KCNK2: variants seen among roughly 807,000 people sequenced by gnomAD.
The protein encoded by KCNK2 is potassium two pore domain channel subfamily K member 2.
KCNK2 carries 21 observed loss-of-function variants against 40.5 expected under a neutral mutation model. The ratio of observed to expected loss-of-function variants is 0.52; its 90% CI spans 0.37 to 0.75. KCNK2 has a LOEUF of 0.75. Among genes scored for constraint, KCNK2 ranks in the 30% least tolerant of loss-of-function variants. The pLI is 0.00. For missense variants in KCNK2, 399 were observed against 531.6 expected (o/e 0.75, Z 2.45); for synonymous variants, 191 against 202.2 (o/e 0.94, Z 0.47).
chr1:215,023,295 A>C (rs1237944734), intron 1 of KCNK2, among the ~76,000 whole-genome samples: 2 of 152,190 alleles, frequency 1.3e-5, no homozygotes, highest in African/African-American at 4.8e-5. Flanking sequence ...GGCTCAGGCC[A>C]GCCCTCTACT....
chr1:215,066,840 GA>G (rs1425647966), intron 1 of KCNK2, among the ~76,000 whole-genome samples: 7 of 152,080 alleles, frequency 4.6e-5, no homozygotes, highest in African/African-American at 7.2e-5. Context: ...GTATCATTCA[GA>G]AAAAGCTCTG....
At chr1:215,106,043 A>C (rs1344455973) in intron 2 of KCNK2, among the ~76,000 whole-genome samples, 2 of 152,080 alleles carry the variant, frequency 1.3e-5, no homozygotes, top group African/African-American at 4.8e-5. Flanking sequence ...TAGTGCTGTG[A>C]TGAACATATA....
intron 1 of KCNK2, among the ~76,000 whole-genome samples, chr1:215,041,957 G>A (rs1439647505): frequency 6.6e-6 from 1 of 152,168 alleles, no homozygotes. Flanking sequence ...AGGGGAAGGA[G>A]GAGCAAAGTC....
intron 2 of KCNK2, among the ~76,000 whole-genome samples, chr1:215,101,979 T>A (rs1321983191): frequency 6.6e-6 from 1 of 152,078 alleles, no homozygotes; most frequent in Non-Finnish European, 1.5e-5. Flanking sequence ...TTATTTATTT[T>A]TAAAATTTTT....
In KCNK2 at chr1:215,008,557, AT is replaced by A. The variant is rs530226987; in HGVS notation, c.34+2604del. ...TGTGGTTCCCCATATATAAAACAGGATTAATAGTTCTTCCCTCCTGTACTTT... is the reference window on the plus strand; with the variant it reads ...TGTGGTTCCCCATATATAAAACAGGATAATAGTTCTTCCCTCCTGTACTTT... On this transcript the variant is annotated intron_variant, in intron 1 of 6. Coordinates refer to the KCNK2 transcript ENST00000391895. Among the ~76,000 whole-genome samples the A allele has an allele frequency of 6.0e-4, 92 of 152,282 alleles. 2 individuals are homozygous for A. In the East Asian group the frequency reaches 0.014, roughly 23 times the overall value.
At chr1:215,175,536 G>C (rs1470013281) in intron 5 of KCNK2, among the ~76,000 whole-genome samples, 1 of 151,968 alleles carries the variant, frequency 6.6e-6, no homozygotes, top group Non-Finnish European at 1.5e-5. Context: ...TGTATGTGCA[G>C]GTTTGTTACC....
intron 3 of KCNK2, among the ~76,000 whole-genome samples, chr1:215,149,715 A>G (rs1662601392): frequency 6.6e-6 from 1 of 152,352 alleles, no homozygotes; most frequent in Admixed American, 6.5e-5. Context: ...ACTCATGTGC[A>G]GAAGAGATTT....
chr1:215,062,415 G>A (rs1160352962), intron 1 of KCNK2, among the ~76,000 whole-genome samples: 1 of 151,944 alleles, frequency 6.6e-6, no homozygotes, highest in African/African-American at 2.4e-5. Flanking sequence ...CCTATGGCTA[G>A]TACCATAGCT....
At chr1:215,062,386 T>C (rs534427922) in intron 1 of KCNK2, among the ~76,000 whole-genome samples, 1 of 152,112 alleles carries the variant, frequency 6.6e-6, no homozygotes, top group African/African-American at 2.4e-5. Context: ...GCTCAGCTCA[T>C]GAGCTAAACT....
chr1:215,195,982 C>T (rs1254591759), intron 6 of KCNK2, among the ~76,000 whole-genome samples: 2 of 151,998 alleles, frequency 1.3e-5, no homozygotes, highest in African/African-American at 4.8e-5. Flanking sequence ...TGGCTATAAG[C>T]ATGAATTCTT....
intron 5 of KCNK2, among the ~76,000 whole-genome samples, chr1:215,188,584 G>T (rs999789072): frequency 4.3e-4 from 66 of 151,968 alleles, no homozygotes; most frequent in Non-Finnish European, 4.4e-4. Context: ...AAAAAACCAT[G>T]GCATGTTTCT....
chr1:215,166,109 T>C (rs1055910548), intron 3 of KCNK2, among the ~76,000 whole-genome samples: 2 of 152,174 alleles, frequency 1.3e-5, no homozygotes, highest in African/African-American at 4.8e-5. Context: ...AATTCCTTGT[T>C]ATGTAAACAT....
At chr1:215,160,310 T>A (rs1450968335) in intron 3 of KCNK2, among the ~76,000 whole-genome samples, 1 of 152,132 alleles carries the variant, frequency 6.6e-6, no homozygotes, top group Non-Finnish European at 1.5e-5. Context: ...AAAAAAGAAA[T>A]GTCTGGATGT....
At chr1:215,209,979 ATT>A (rs1238124186) in intron 6 of KCNK2, among the ~76,000 whole-genome samples, 9 of 3,906 alleles carry the variant, frequency 2.3e-3, no homozygotes, top group Non-Finnish European at 0.015. Flanking sequence ...TATTATATAT[ATT>A]ATATATAATA....
At chr1:215,173,679 G>T (rs1292380434) in intron 5 of KCNK2, among the ~76,000 whole-genome samples, 1 of 152,124 alleles carries the variant, frequency 6.6e-6, no homozygotes, top group Admixed American at 6.5e-5. Context: ...GTGTGAGATG[G>T]TGTCTCATTG....
At chr1:215,209,489 A>AT (rs1491179744) in intron 6 of KCNK2, among the ~76,000 whole-genome samples, 4 of 26,434 alleles carry the variant, frequency 1.5e-4, no homozygotes, top group Non-Finnish European at 3.8e-4. Flanking sequence ...TATATAATAC[A>AT]TATATATAAT....
intron 6 of KCNK2, among the ~76,000 whole-genome samples, chr1:215,200,921 C>T (rs1476502464): frequency 2.6e-5 from 4 of 152,150 alleles, no homozygotes; most frequent in Non-Finnish European, 5.9e-5. Context: ...CAGACGTAGC[C>T]GATATCCAGG....
At chr1:215,195,284 C>G (rs1272983949) in intron 6 of KCNK2, among the ~76,000 whole-genome samples, 192 bp downstream of exon 6, 6 of 151,910 alleles carry the variant, frequency 3.9e-5, no homozygotes, top group African/African-American at 1.4e-4. Flanking sequence ...GAAAATGTTT[C>G]TGTGCCAATT....
chr1:215,215,296 C>T (rs1665918805), intron 6 of KCNK2, among the ~76,000 whole-genome samples: 2 of 151,844 alleles, frequency 1.3e-5, no homozygotes, highest in Non-Finnish European at 1.5e-5. Context: ...TCTCCTCTGC[C>T]TCTTGTCTCC....
Sources: allele counts gnomAD v4.1 joint callset (sites outside exome capture counted in the v4.1 genomes callset), GRCh38; gene constraint gnomAD v4.1.1; transcripts MANE v1.5; gene names NCBI Gene and HGNC (gene_info 2026-07-23, HGNC 2026-07-21).